The following VSIR variants were observed in gnomAD, a reference collection of about 807,000 sequenced individuals.
The protein encoded by VSIR is V-set immunoregulatory receptor.
In VSIR, 10 loss-of-function variants were observed where a neutral mutation model predicts 31.0. The observed-to-expected ratio is 0.32, with a 90% CI of 0.20 to 0.55. VSIR has a LOEUF of 0.55. VSIR is among the 20% of genes least tolerant of loss of function. The pLI is 0.93. For synonymous variants in VSIR, 179 were observed against 180.1 expected (o/e 0.99, Z 0.05); for missense variants, 356 against 416.2 (o/e 0.86, Z 1.26).
intron 4 of VSIR, chr10:71,755,151 C>T (rs2132872000): frequency 1.5e-6 from 1 of 659,092 alleles, no homozygotes. Flanking sequence ...GCCAAAGGGG[C>T]TGGTGGGCAC....
At chr10:71,765,621 G>C (rs1285820062) in intron 1 of VSIR, among the ~76,000 whole-genome samples, 2 of 152,136 alleles carry the variant, frequency 1.3e-5, no homozygotes, top group Non-Finnish European at 2.9e-5. Flanking sequence ...TTCTCCCCTG[G>C]AGGCAACTTC....
chr10:71,773,455 G>A lies in VSIR; in HGVS notation c.-16C>T, dbSNP rs745442665. The A allele has an allele frequency of 2.5e-6, 4 of 1,581,488 alleles. No individual in the cohort carries two copies. The East Asian group carries it at 6.9e-5, about 27-fold the overall frequency. ...GGACGCCCATGTCGCCGTCGGACGC[G>A]CAGAGGAACTTCTGGTGCCGGGGAG... On this transcript the variant is annotated 5_prime_UTR_variant, in exon 1 of 7. Coordinates refer to ENST00000394957, the MANE Select transcript of VSIR (RefSeq NM_022153.2).
intron 3 of VSIR, among the ~76,000 whole-genome samples, chr10:71,759,854 C>CACATATATAT (rs1840262050): frequency 9.2e-6 from 1 of 109,202 alleles, no homozygotes; most frequent in Non-Finnish European, 2.1e-5. Context: ...CACATATACA[C>CACATATATAT]ACACACACAC....
In VSIR at chr10:71,755,347, A is replaced by G; in HGVS notation, c.676+12T>C. The G allele has an allele frequency of 1.2e-6, 2 of 1,607,064 alleles. No individual in the cohort carries two copies. Among genetic ancestry groups the G allele is most frequent in the Non-Finnish European group, 1.7e-6 (2 of 1,176,514 alleles). ...CACCGTCCACCCACCCCAGGCAGGG[A>G]GGAATACTCACGGCGGTTGGAGGCT... On this transcript the variant is annotated intron_variant, in intron 4 of 6. Transcript: ENST00000394957.
In VSIR at chr10:71,751,980, A is replaced by G. The variant is rs1455755713; in HGVS notation, c.705-119T>C. 2.7e-6 allele frequency: 3 copies of G among 1,120,582 alleles called. No individual in the cohort carries two copies. The highest frequency in any genetic ancestry group is 3.1e-5 in the African/African-American group (2 of 64,234). The allele number at this position is 1,120,582 out of a possible 1,614,324, so 69.4% of individuals were successfully genotyped here. A position where few individuals can be genotyped will look rare whatever the true frequency, so the allele number is the denominator to read the frequency against. On this transcript the variant is annotated intron_variant, in intron 5 of 6. Transcript: ENST00000394957. This position sits in a 1 kb window ranked among gnomAD's most constrained non-coding sequence, Gnocchi z 4.9. ...ACCTACATCCCCATCCCCAAGCCTC[A>G]GCAGCATCTCCAAGCAAGAAGGCAG...
At position 71,761,720 on chromosome 10, in the gene VSIR, G is replaced by A. The variant is rs1001283730; in HGVS notation, c.389C>T (p.Ser130Phe). 3 of 1,614,016 alleles carry A rather than the reference G, an allele frequency of 1.9e-6. No homozygotes were observed. Among genetic ancestry groups the A allele is most frequent in the African/African-American group, 2.7e-5 (2 of 74,942 alleles). The change falls in exon 2 of 7, where the codon TCC becomes TTC. Residue 130 changes from serine (S) to phenylalanine (F), a missense_variant. Physicochemically the swap from Ser to Phe is radical, Grantham distance 155 (BLOSUM62 -2). Transcript: ENST00000394957. ...CAGGGTCAGGTTGCGCATGGTGATG[G>A]AGAAGTTGCCATGGTGGTCGGAGGC... The part of the protein sequence containing the change: ...ESASDHHGNF[S>F]ITMRNLTLLD...
intron 1 of VSIR, among the ~76,000 whole-genome samples, chr10:71,769,452 C>G (rs574244958): frequency 2.2e-4 from 33 of 152,134 alleles, no homozygotes; most frequent in African/African-American, 8.0e-4. Flanking sequence ...TTTTAAAGAT[C>G]TACATACTCA....
intron 5 of VSIR, among the ~76,000 whole-genome samples, chr10:71,752,685 GTC>G (rs1248528559): frequency 6.6e-6 from 1 of 152,150 alleles, no homozygotes; most frequent in Non-Finnish European, 1.5e-5. Flanking sequence ...ATGTCTCACT[GTC>G]TGCCCCAGAC....
rs544211824 is a variant in VSIR at position 71,751,318 on chromosome 10, C to T, written c.899-28G>A. 6.7e-5 allele frequency: 108 copies of T among 1,604,284 alleles called. No individual in the cohort carries two copies. The highest frequency in any genetic ancestry group is 2.5e-4 in the South Asian group (22 of 89,684). Reference sequence around the variant, plus strand: ...GCAAGAAAAGGAGAAGCAAAGTGAACGGGGCCCCTCTGCCCCTCACCCTCA... The same window carrying T: ...GCAAGAAAAGGAGAAGCAAAGTGAATGGGGCCCCTCTGCCCCTCACCCTCA... On this transcript the variant is annotated intron_variant, in intron 6 of 6. Coordinates refer to ENST00000394957, the MANE Select transcript of VSIR (RefSeq NM_022153.2). This position sits in a 1 kb window ranked among gnomAD's most constrained non-coding sequence, Gnocchi z 4.9.
chr10:71,754,118 A>C (rs1840072981), intron 4 of VSIR, among the ~76,000 whole-genome samples: 1 of 151,998 alleles, frequency 6.6e-6, no homozygotes, highest in African/African-American at 2.4e-5. Context: ...CCAGCCTTCC[A>C]CCAGGGAGGG....
intron 1 of VSIR, among the ~76,000 whole-genome samples, chr10:71,766,907 C>G (rs930840272): frequency 6.6e-6 from 1 of 152,212 alleles, no homozygotes; most frequent in African/African-American, 2.4e-5. Flanking sequence ...ATGAACTGAC[C>G]GTGCATTGAC....
intron 1 of VSIR, among the ~76,000 whole-genome samples, chr10:71,762,253 G>A (rs1267855046): frequency 6.6e-6 from 1 of 152,256 alleles, no homozygotes; most frequent in Non-Finnish European, 1.5e-5. Context: ...GCTCCTGGAT[G>A]CTGGACAGGG....
At chr10:71,754,607 G>A (rs7084874) in intron 4 of VSIR, among the ~76,000 whole-genome samples, 34,090 of 152,030 alleles carry the variant, frequency 0.22, 4,111 homozygotes, top group Non-Finnish European at 0.27. Flanking sequence ...AGATGTTTGT[G>A]CCCATGACTT....
chr10:71,752,937 C>A (rs1840042270), intron 5 of VSIR, 38 bp downstream of exon 5: 1 of 1,609,066 alleles, frequency 6.2e-7, no homozygotes, highest in Non-Finnish European at 8.5e-7. Flanking sequence ...GATAGCCGGC[C>A]CAGGAAGTTT....
intron 2 of VSIR, 89 bp downstream of exon 2, chr10:71,761,509 C>G (rs1034532970): frequency 7.1e-6 from 10 of 1,408,466 alleles, no homozygotes; most frequent in Non-Finnish European, 9.4e-7. Context: ...CAGCCTCACA[C>G]TCTGCCCAGC....
intron 4 of VSIR, chr10:71,755,034 G>A: frequency 3.9e-6 from 2 of 509,416 alleles, no homozygotes; most frequent in South Asian, 3.1e-5. Context: ...GGTCCCCCAA[G>A]GATCTCTGAG....
In VSIR at chr10:71,761,888, C is replaced by T. The variant is rs1397974862; in HGVS notation, c.221G>A (p.Arg74His). 8.1e-6 allele frequency: 13 copies of T among 1,614,008 alleles called. 1 individual carries two copies. The highest frequency in any genetic ancestry group is 2.2e-5 in the East Asian group (1 of 44,892). Residue 74 changes from arginine to histidine, a missense_variant, in exon 2 of 7, where the codon CGC (arginine) becomes CAC (histidine). Arg to His is a conservative substitution (Grantham distance 29). This residue lies in a region of VSIR where 166 missense variants were observed against 231.0 expected (regional missense o/e 0.72). Transcript: ENST00000394957. ...GGTCTGCACCTCGCCCCTCGAGCTG[C>T]GGTACCACGTCTTGTAGAAGGTCAC... is the stretch of plus-strand genomic sequence containing the variant. ...HDVTFYKTWY[R>H]SSRGEVQTCS...
At chr10:71,766,559 ATCTT>A (rs1840549979) in intron 1 of VSIR, among the ~76,000 whole-genome samples, 1 of 152,178 alleles carries the variant, frequency 6.6e-6, no homozygotes, top group Non-Finnish European at 1.5e-5. Context: ...CCGTTTCTTC[ATCTT>A]AACCTGAGGG....
At chr10:71,752,927 G>A in intron 5 of VSIR, 48 bp downstream of exon 5, 1 of 1,603,648 alleles carries the variant, frequency 6.2e-7, no homozygotes, top group Non-Finnish European at 8.5e-7. Flanking sequence ...TCTCTTCCTG[G>A]ATAGCCGGCC....
Sources: allele counts gnomAD v4.1 joint callset (sites outside exome capture counted in the v4.1 genomes callset), GRCh38; gene constraint gnomAD v4.1.1; regional missense constraint gnomAD v4.1.1; non-coding constraint Gnocchi (gnomAD v3.1); transcripts MANE v1.5; gene names NCBI Gene and HGNC (gene_info 2026-07-23, HGNC 2026-07-21).